The following MYRIP variants were observed in gnomAD, a reference collection of about 807,000 sequenced individuals.
The protein encoded by MYRIP is rab effector MyRIP.
In MYRIP, 49 loss-of-function variants were observed where a neutral mutation model predicts 98.0. That is an observed-to-expected ratio of 0.50 (90% CI 0.40 to 0.63). MYRIP has a LOEUF of 0.63. Among genes scored for constraint, MYRIP ranks in the 30% least tolerant of loss-of-function variants. The pLI is 0.00. For missense variants in MYRIP, 1,004 were observed against 1,058.2 expected (o/e 0.95, Z 0.71); for synonymous variants, 404 against 409.5 (o/e 0.99, Z 0.16).
intron 2 of MYRIP, among the ~76,000 whole-genome samples, chr3:39,947,076 C>G (rs1944920471): frequency 6.6e-6 from 1 of 152,094 alleles, no homozygotes; most frequent in South Asian, 2.1e-4. Flanking sequence ...TTAGATTCAG[C>G]TTTTAATATA....
rs566030801 is a variant in MYRIP, at chr3:40,085,291, C to T, written c.332+41020C>T. Among the ~76,000 whole-genome samples the T allele has an allele frequency of 1.4e-4, 21 of 151,988 alleles. No homozygotes were observed. In the East Asian group the frequency reaches 1.6e-3, roughly 11 times the overall value. On this transcript the variant is annotated intron_variant, in intron 3 of 16. Transcript: ENST00000302541. ...CACACACACACACATACATATATTT[C>T]GTTTTCTTTTTTTGAGATGGAGCCT...
intron 1 of MYRIP, among the ~76,000 whole-genome samples, chr3:39,839,343 C>T (rs1329281614): frequency 3.9e-5 from 6 of 151,942 alleles, no homozygotes; most frequent in South Asian, 2.1e-4. Flanking sequence ...CTGCAACCTC[C>T]GCCTCCCAGG....
At chr3:39,933,258 A>G (rs1944581875) in intron 2 of MYRIP, among the ~76,000 whole-genome samples, 2 of 152,140 alleles carry the variant, frequency 1.3e-5, no homozygotes, top group Non-Finnish European at 2.9e-5. Context: ...CCACTTGTTT[A>G]TGTTTTATCT....
At position 39,884,311 on chromosome 3, in the gene MYRIP, T is replaced by C. The variant is rs140455502; in HGVS notation, c.-30-16476T>C. On this transcript the variant is annotated intron_variant, in intron 1 of 16. Coordinates refer to ENST00000302541, the MANE Select transcript of MYRIP (RefSeq NM_015460.4). ...CCTGCTCCTCCCTGCTGCTTAAAGT[T>C]ATAAACCCAAGAAAGAAAACACAAT... Among the ~76,000 whole-genome samples the C allele has an allele frequency of 2.0e-5, 3 of 152,270 alleles. No homozygotes were observed. In the East Asian group the frequency reaches 5.8e-4, roughly 29 times the overall value.
intron 10 of MYRIP, among the ~76,000 whole-genome samples, chr3:40,196,329 A>G (rs1951393683): frequency 6.6e-6 from 1 of 152,130 alleles, no homozygotes. Flanking sequence ...TATGTAAAAT[A>G]TTTCATATAT....
intron 8 of MYRIP, among the ~76,000 whole-genome samples, chr3:40,181,972 T>C (rs1184663998): frequency 6.6e-6 from 1 of 152,212 alleles, no homozygotes; most frequent in African/African-American, 2.4e-5. Flanking sequence ...AAGAGCCGTA[T>C]GAGAGCTGGC....
intron 2 of MYRIP, among the ~76,000 whole-genome samples, chr3:39,999,735 A>G (rs1016898043): frequency 2.6e-5 from 4 of 152,214 alleles, no homozygotes; most frequent in African/African-American, 7.2e-5. Flanking sequence ...ACATATGTTT[A>G]TTGCAGCACT....
chr3:40,228,064 G>A (rs1179975928), intron 11 of MYRIP, among the ~76,000 whole-genome samples: 1 of 152,182 alleles, frequency 6.6e-6, no homozygotes, highest in African/African-American at 2.4e-5. Flanking sequence ...GTTATTTTGG[G>A]GAGTCTTGGA....
chr3:40,168,805 C>T (rs1193010622), intron 7 of MYRIP, among the ~76,000 whole-genome samples: 6 of 152,220 alleles, frequency 3.9e-5, no homozygotes, highest in East Asian at 3.9e-4. Flanking sequence ...GCAAGTCACA[C>T]ATCGAGCCCA....
intron 9 of MYRIP, among the ~76,000 whole-genome samples, chr3:40,183,666 C>T (rs1950950771): frequency 6.6e-6 from 1 of 152,222 alleles, no homozygotes; most frequent in South Asian, 2.1e-4. Context: ...CTTCCTATTT[C>T]CTGCATACAC....
chr3:40,213,530 C>T (rs1255729818), intron 11 of MYRIP, among the ~76,000 whole-genome samples: 1 of 152,094 alleles, frequency 6.6e-6, no homozygotes, highest in African/African-American at 2.4e-5. Flanking sequence ...GAAATCACTA[C>T]ATCAGACCCC....
rs200483798 is a variant in MYRIP, at chr3:39,870,602, G to GT, written c.-30-30179dup. 5.6e-3 allele frequency among the ~76,000 whole-genome samples: 852 copies of GT among 152,100 alleles called. 10 individuals are homozygous for GT. Among genetic ancestry groups the GT allele is most frequent in the African/African-American group, 0.019 (800 of 41,494 alleles). ...AAGGGCATTTTCACTTAGCATTCAT[G>GT]TTTTTTCCCATATCCTGTAAATGAA... On this transcript the variant is annotated intron_variant, in intron 1 of 16. Transcript: ENST00000302541.
chr3:39,951,063 C>G (rs775529571), intron 2 of MYRIP, among the ~76,000 whole-genome samples: 1 of 152,120 alleles, frequency 6.6e-6, no homozygotes, highest in Non-Finnish European at 1.5e-5. Context: ...CCATATGGGT[C>G]CCTTCTCTTC....
chr3:40,153,239 G>C (rs942642869), intron 4 of MYRIP, among the ~76,000 whole-genome samples: 2 of 152,176 alleles, frequency 1.3e-5, no homozygotes, highest in Admixed American at 1.3e-4. Flanking sequence ...AAGACAAGCA[G>C]ACAGGAGACA....
At chr3:40,037,470 A>G (rs1947408969) in intron 2 of MYRIP, among the ~76,000 whole-genome samples, 1 of 151,858 alleles carries the variant, frequency 6.6e-6, no homozygotes, top group African/African-American at 2.4e-5. Context: ...TGGGGACTTT[A>G]TGTTCCTTTT....
chr3:39,818,371 CT>C (rs2125568720), intron 1 of MYRIP, among the ~76,000 whole-genome samples: 1 of 152,220 alleles, frequency 6.6e-6, no homozygotes, highest in African/African-American at 2.4e-5. Flanking sequence ...AACCCAGAAC[CT>C]TGCTTTTTAT....
At chr3:40,086,118 C>A (rs1948621193) in intron 3 of MYRIP, among the ~76,000 whole-genome samples, 1 of 152,054 alleles carries the variant, frequency 6.6e-6, no homozygotes, top group South Asian at 2.1e-4. Flanking sequence ...AAAAGAGAAA[C>A]AAAGGAATGA....
intron 2 of MYRIP, among the ~76,000 whole-genome samples, chr3:39,937,349 T>A (rs1279045604): frequency 6.6e-6 from 1 of 152,186 alleles, no homozygotes; most frequent in African/African-American, 2.4e-5. Context: ...GGCTTTTAAC[T>A]TTCACCATGA....
intron 11 of MYRIP, 134 bp downstream of exon 11, chr3:40,210,227 G>A: frequency 8.7e-7 from 1 of 1,144,084 alleles, no homozygotes; most frequent in Non-Finnish European, 1.2e-6. Context: ...TGTGCATTTG[G>A]GAGAGCCTAA....
Sources: gnomAD v4.1 joint callset for allele counts (sites outside exome capture counted in the v4.1 genomes callset) on GRCh38, gnomAD v4.1.1 for gene constraint, MANE v1.5 for transcripts, NCBI Gene and HGNC (gene_info 2026-07-23, HGNC 2026-07-21) for gene names.